The following PCDHGA7 variants were observed in gnomAD, a reference collection of about 807,000 sequenced individuals.
PCDHGA7 encodes protocadherin gamma subfamily A, 7, also known as protocadherin gamma-A7.
A neutral mutation model predicts 58.3 loss-of-function variants in PCDHGA7; 44 were observed. The ratio of observed to expected loss-of-function variants is 0.75; its 90% CI spans 0.59 to 0.97. PCDHGA7 has a LOEUF of 0.97. Among genes scored for constraint, PCDHGA7 ranks in the 50% least tolerant of loss-of-function variants. The pLI is 0.00. For synonymous variants in PCDHGA7, 516 were observed against 504.2 expected (o/e 1.02, Z -0.31); for missense variants, 1,266 against 1,188.7 (o/e 1.06, Z -0.96).
chr5:141,498,994 AAGG>A (rs1310594976), intron 2 of PCDHGA7, among the ~76,000 whole-genome samples: 4 of 148,560 alleles, frequency 2.7e-5, no homozygotes, highest in Non-Finnish European at 4.5e-5. Flanking sequence ...GGAAGGAAGG[AAGG>A]AAGGAAGGAA....
Position 141,491,410 on chromosome 5 carries a change from GA to G in PCDHGA7, c.2425-3396del. 1 of 1,614,142 alleles carries G rather than the reference GA, an allele frequency of 6.2e-7. No homozygotes were observed. The highest frequency in any genetic ancestry group is 8.5e-7 in the Non-Finnish European group (1 of 1,180,034). On this transcript the variant is annotated intron_variant, in intron 1 of 3. Coordinates refer to ENST00000518325, the MANE Select transcript of PCDHGA7 (RefSeq NM_018920.4). This position sits in a 1 kb window ranked among gnomAD's most constrained non-coding sequence, Gnocchi z 6.9. ...GTGCCTTCAGGGAAACGCAGACGGG[GA>G]CGGGGGTGGAGGGCAGTGCTGCAGG...
intron 1 of PCDHGA7, chr5:141,400,138 A>T: frequency 6.2e-7 from 1 of 1,614,046 alleles, no homozygotes; most frequent in Non-Finnish European, 8.5e-7. Flanking sequence ...GCTGCCGGAT[A>T]TCACTGACCG....
At chr5:141,510,158 A>G (rs1406170246) in intron 3 of PCDHGA7, among the ~76,000 whole-genome samples, 1 of 152,018 alleles carries the variant, frequency 6.6e-6, no homozygotes, top group African/African-American at 2.4e-5. Flanking sequence ...CTGTAATCTC[A>G]GCTACTCAGG....
At chr5:141,404,167 G>A (rs2094493296) in intron 1 of PCDHGA7, 1 of 1,612,946 alleles carries the variant, frequency 6.2e-7, no homozygotes, top group South Asian at 1.1e-5. Flanking sequence ...ACAGATTGTT[G>A]ACGGCCCAAA....
intron 1 of PCDHGA7, among the ~76,000 whole-genome samples, chr5:141,425,497 CT>C (rs2096879671): frequency 6.6e-6 from 1 of 152,164 alleles, no homozygotes; most frequent in African/African-American, 2.4e-5. Context: ...TAGGCTATAC[CT>C]TTATATTCTC....
chr5:141,419,311 C>T (rs745852942), intron 1 of PCDHGA7: 4 of 1,613,876 alleles, frequency 2.5e-6, no homozygotes, highest in East Asian at 4.5e-5. Context: ...TCGGGCTCAA[C>T]GGCCGTGTCT....
chr5:141,393,622 A>C (rs776047060), intron 1 of PCDHGA7: 1 of 1,613,960 alleles, frequency 6.2e-7, no homozygotes, highest in Admixed American at 1.7e-5. Context: ...AGCGACCCGG[A>C]TGAGGGAATC....
At chr5:141,468,160 G>C (rs2099158881) in intron 1 of PCDHGA7, among the ~76,000 whole-genome samples, 1 of 151,468 alleles carries the variant, frequency 6.6e-6, no homozygotes, top group African/African-American at 2.4e-5. Context: ...CCCTGTCTCT[G>C]CTAAAAATAG....
Position 141,477,012 on chromosome 5 carries a change from T to C in PCDHGA7, c.2425-17795T>C. The C allele has an allele frequency of 6.2e-7, 1 of 1,614,186 alleles. No homozygotes were observed. Among genetic ancestry groups the C allele is most frequent in the Non-Finnish European group, 8.5e-7 (1 of 1,180,026 alleles). On this transcript the variant is annotated intron_variant, in intron 1 of 3. Coordinates refer to ENST00000518325, the MANE Select transcript of PCDHGA7 (RefSeq NM_018920.4). The surrounding 1 kb of genome is among the most constrained non-coding windows in gnomAD (Gnocchi z 4.9). The stretch of plus-strand genomic sequence containing the variant: ...GTGCGGCAACTATTCGCCTTAGACC[T>C]TGTAACCGGGATGCTGACAATCAAG...
chr5:141,472,878 C>G (rs774209715), intron 1 of PCDHGA7, among the ~76,000 whole-genome samples: 1 of 146,132 alleles, frequency 6.8e-6, no homozygotes, highest in East Asian at 2.1e-4. Context: ...CCCAGCTACT[C>G]GGGAGGCTGA....
At chr5:141,394,034 G>T in intron 1 of PCDHGA7, 1 of 1,613,540 alleles carries the variant, frequency 6.2e-7, no homozygotes, top group Non-Finnish European at 8.5e-7. Flanking sequence ...TAGTGACAAG[G>T]AAATATTTGG....
chr5:141,467,042 G>T (rs2099134710), intron 1 of PCDHGA7, among the ~76,000 whole-genome samples: 1 of 149,884 alleles, frequency 6.7e-6, no homozygotes. Context: ...TTTGTGTAAT[G>T]AATCAATGTT....
At chr5:141,406,859 TC>T (rs1171504234) in intron 1 of PCDHGA7, among the ~76,000 whole-genome samples, 1 of 152,252 alleles carries the variant, frequency 6.6e-6, no homozygotes, top group African/African-American at 2.4e-5. Flanking sequence ...AAGAAAATAT[TC>T]TCAGGAACTG....
intron 1 of PCDHGA7, chr5:141,409,404 A>T: frequency 5.0e-6 from 8 of 1,614,046 alleles, no homozygotes; most frequent in Non-Finnish European, 6.8e-6. Flanking sequence ...TCCAATAACT[A>T]CTACAAACTG....
intron 1 of PCDHGA7, chr5:141,422,047 A>G: frequency 6.2e-7 from 1 of 1,611,610 alleles, no homozygotes; most frequent in Non-Finnish European, 8.5e-7. Context: ...AGACGAGGGA[A>G]TCAACGGGGA....
chr5:141,465,923 C>A (rs908350232), intron 1 of PCDHGA7, among the ~76,000 whole-genome samples: 2 of 152,062 alleles, frequency 1.3e-5, no homozygotes, highest in African/African-American at 4.8e-5. Flanking sequence ...GATTTCGAGT[C>A]CATCCTGGCT....
At position 141,493,774 on chromosome 5, in the gene PCDHGA7, C is replaced by T. The variant is rs2099749996; in HGVS notation, c.2425-1033C>T. On this transcript the variant is annotated intron_variant, in intron 1 of 3. Coordinates refer to ENST00000518325, the MANE Select transcript of PCDHGA7 (RefSeq NM_018920.4). The surrounding 1 kb of genome is among the most constrained non-coding windows in gnomAD (Gnocchi z 4.3). ...GCCTTGAGTGAGCCACTGGCAGTTC[C>T]GGAGCTTCCTTCTCCCTGGAGTAAT... Among the ~76,000 whole-genome samples, 1 of 152,258 alleles carries T rather than the reference C, an allele frequency of 6.6e-6. No homozygotes were observed. The highest frequency in any genetic ancestry group is 1.9e-4 in the East Asian group (1 of 5,176).
intron 1 of PCDHGA7, chr5:141,393,169 T>A: frequency 6.2e-7 from 1 of 1,613,090 alleles, no homozygotes; most frequent in African/African-American, 1.3e-5. Context: ...CTCTTTGGGG[T>A]AGAAATAGAA....
In PCDHGA7 at chr5:141,486,645, C is replaced by G. The variant is rs369948556; in HGVS notation, c.2425-8162C>G. ...GACTCTGGCTTGAATGCGCTTATCT[C>G]CTACTCACTCCTGGAGCCCAGGAAT... On this transcript the variant is annotated intron_variant, in intron 1 of 3. Coordinates refer to ENST00000518325, the MANE Select transcript of PCDHGA7 (RefSeq NM_018920.4). The surrounding 1 kb of genome is among the most constrained non-coding windows in gnomAD (Gnocchi z 5.0). 4.3e-6 allele frequency: 7 copies of G among 1,613,752 alleles called. No individual in the cohort carries two copies. The Admixed American group carries it at 6.7e-5, about 15-fold the overall frequency.
Sources: allele counts gnomAD v4.1 joint callset (sites outside exome capture counted in the v4.1 genomes callset), GRCh38; gene constraint gnomAD v4.1.1; non-coding constraint Gnocchi (gnomAD v3.1); transcripts MANE v1.5; gene names NCBI Gene and HGNC (gene_info 2026-07-23, HGNC 2026-07-21).